MAPK8: variants seen among roughly 807,000 people sequenced by gnomAD.
MAPK8 encodes the protein mitogen-activated protein kinase 8.
In MAPK8, 13 loss-of-function variants were observed where a neutral mutation model predicts 52.9. That is an observed-to-expected ratio of 0.25 (90% CI 0.16 to 0.39). The LOEUF (loss-of-function observed/expected upper bound fraction) is 0.39. MAPK8 is among the 10% of genes least tolerant of loss of function. The probability of loss-of-function intolerance (pLI) is 1.00; values close to 1 mark genes in which losing one functional copy is unlikely to be tolerated. For missense variants in MAPK8, 300 were observed against 519.2 expected (o/e 0.58, Z 4.10); for synonymous variants, 191 against 169.8 (o/e 1.12, Z -0.97).
rs73309925 is a variant in MAPK8, at chr10:48,414,343, A to G, written c.450+4175A>G. On this transcript the variant is annotated intron_variant, in intron 5 of 11. Transcript: ENST00000374189. ...ATAATTTGGGTTGTTACCACTGACT[A>G]TTACAGGTAATGCTGACATGAACAT... Among the ~76,000 whole-genome samples, 530 of 152,014 alleles carry G rather than the reference A, an allele frequency of 3.5e-3. 5 individuals carry two copies. The highest frequency in any genetic ancestry group is 0.012 in the African/African-American group (516 of 41,456).
chr10:48,430,043 C>T (rs2044062275), intron 10 of MAPK8: 1 of 152,160 alleles, frequency 6.6e-6, no homozygotes, highest in Non-Finnish European at 1.5e-5. Context: ...TGAATGTCTA[C>T]TTAAGAACCT....
chr10:48,363,981 C>T (rs74130254), intron 1 of MAPK8, among the ~76,000 whole-genome samples: 5 of 152,310 alleles, frequency 3.3e-5, no homozygotes, highest in Admixed American at 3.3e-4. Context: ...GACTTTAATT[C>T]AATTGCCAAT....
Position 48,427,151 on chromosome 10 carries a change from C to T in MAPK8, c.1060+8C>T, listed in dbSNP as rs751238106. Reference sequence around the variant, plus strand: ...CAATAGAAGAGTGGAAAGGTACATTCGTCAGATTCTTAGAGGGAAAACTGT... The same window carrying T: ...CAATAGAAGAGTGGAAAGGTACATTTGTCAGATTCTTAGAGGGAAAACTGT... On this transcript the variant is annotated splice_region_variant and intron_variant, in intron 10 of 11. Transcript: ENST00000374189. 5.6e-6 allele frequency: 9 copies of T among 1,604,998 alleles called. No homozygotes were observed. The Admixed American group carries it at 6.7e-5, about 12-fold the overall frequency.
chr10:48,426,988 T>C (rs2043724239), intron 9 of MAPK8, 92 bp from the exon 10 acceptor site: 2 of 861,184 alleles, frequency 2.3e-6, no homozygotes, highest in Non-Finnish European at 3.9e-6. Context: ...TATATTTTTA[T>C]AAGTCATCTG....
chr10:48,350,614 T>G (rs566848728), intron 1 of MAPK8, among the ~76,000 whole-genome samples: 2 of 152,190 alleles, frequency 1.3e-5, no homozygotes, highest in African/African-American at 4.8e-5. Flanking sequence ...ATGGAACTTA[T>G]CTCAAAATAG....
chr10:48,370,615 A>C (rs1407164622), intron 1 of MAPK8, among the ~76,000 whole-genome samples: 1 of 152,186 alleles, frequency 6.6e-6, no homozygotes, highest in Non-Finnish European at 1.5e-5. Flanking sequence ...GGCAGGTCCT[A>C]AAATGAGGGT....
intron 1 of MAPK8, among the ~76,000 whole-genome samples, chr10:48,383,580 C>T (rs1405458405): frequency 6.6e-6 from 1 of 151,998 alleles, no homozygotes; most frequent in East Asian, 1.9e-4. Context: ...TTGGCTAATT[C>T]CCTGCATGTT....
intron 1 of MAPK8, among the ~76,000 whole-genome samples, chr10:48,396,705 G>A (rs1455796707): frequency 6.6e-6 from 1 of 152,166 alleles, no homozygotes; most frequent in South Asian, 2.1e-4. Context: ...TTCATACAAT[G>A]AATAATATTC....
intron 1 of MAPK8, among the ~76,000 whole-genome samples, chr10:48,364,465 A>T (rs940665128): frequency 2.6e-5 from 4 of 152,134 alleles, no homozygotes; most frequent in African/African-American, 9.7e-5. Context: ...TTCTTTAGAA[A>T]TATTTTATGC....
chr10:48,414,721 A>G (rs1490155008), intron 5 of MAPK8, among the ~76,000 whole-genome samples: 3 of 151,682 alleles, frequency 2.0e-5, no homozygotes, highest in Non-Finnish European at 4.4e-5. Context: ...GACTATGGAC[A>G]TGTACCACCA....
intron 7 of MAPK8, among the ~76,000 whole-genome samples, 192 bp downstream of exon 7, chr10:48,424,351 C>T (rs780503993): frequency 2.6e-5 from 4 of 152,130 alleles, no homozygotes; most frequent in African/African-American, 9.7e-5. Context: ...GTAGGACATA[C>T]AGTCTCTGCT....
chr10:48,333,949 T>C (rs1415311267), intron 1 of MAPK8, among the ~76,000 whole-genome samples: 1 of 152,328 alleles, frequency 6.6e-6, no homozygotes, highest in Admixed American at 6.5e-5. Flanking sequence ...TTCTGCCATC[T>C]CCACCTCCTG....
intron 3 of MAPK8, 45 bp from the exon 4 acceptor site, chr10:48,409,834 T>A: frequency 6.2e-6 from 8 of 1,291,660 alleles, no homozygotes; most frequent in Non-Finnish European, 7.7e-6. Flanking sequence ...ATTAAAATAT[T>A]ATGAAGTAAT....
chr10:48,335,911 C>A (rs181270664), intron 1 of MAPK8, among the ~76,000 whole-genome samples: 1 of 152,050 alleles, frequency 6.6e-6, no homozygotes, highest in African/African-American at 2.4e-5. Context: ...GTCTATCTTG[C>A]GTTTTAAATG....
At chr10:48,396,392 A>G (rs1232724856) in intron 1 of MAPK8, among the ~76,000 whole-genome samples, 1 of 152,188 alleles carries the variant, frequency 6.6e-6, no homozygotes, top group East Asian at 1.9e-4. Context: ...TAAAGCCATG[A>G]TGAGATATGA....
intron 1 of MAPK8, among the ~76,000 whole-genome samples, chr10:48,399,739 A>G (rs183189214): frequency 3.3e-4 from 51 of 152,334 alleles, no homozygotes; most frequent in African/African-American, 1.2e-3. Flanking sequence ...GAAGCACCAG[A>G]GTACCCCTTT....
intron 6 of MAPK8, among the ~76,000 whole-genome samples, chr10:48,423,586 T>G (rs1314164587): frequency 1.3e-5 from 2 of 152,224 alleles, no homozygotes; most frequent in Non-Finnish European, 2.9e-5. Flanking sequence ...AGCTTTAGAT[T>G]AACTTTTTTA....
chr10:48,323,863 C>T (rs1289576090), intron 1 of MAPK8, among the ~76,000 whole-genome samples: 3 of 152,022 alleles, frequency 2.0e-5, no homozygotes, highest in Admixed American at 1.3e-4. Flanking sequence ...TTTTTGGCTC[C>T]ATCTTCCAGT....
chr10:48,378,189 A>G (rs1322717328), intron 1 of MAPK8, among the ~76,000 whole-genome samples: 1 of 152,174 alleles, frequency 6.6e-6, no homozygotes, highest in Non-Finnish European at 1.5e-5. Context: ...GTCACCAGGA[A>G]GTCTCACTCC....
Sources: allele counts gnomAD v4.1 joint callset (sites outside exome capture counted in the v4.1 genomes callset), GRCh38; gene constraint gnomAD v4.1.1; transcripts MANE v1.5; gene names NCBI Gene and HGNC (gene_info 2026-07-23, HGNC 2026-07-21).